Variants in EYS observed in about 807,000 individuals in gnomAD.
EYS encodes the protein EGF-like photoreceptor maintenance factor.
Under a neutral mutation model 282.1 loss-of-function variants are expected in EYS, and 250 were observed. The observed-to-expected ratio is 0.89, with a 90% CI of 0.80 to 0.98. The LOEUF (loss-of-function observed/expected upper bound fraction) is 0.98, where lower values mean the gene tolerates loss of function less well. EYS is among the 50% of genes least tolerant of loss of function. The pLI is 0.00. For synonymous variants in EYS, 1,355 were observed against 1,282.9 expected, an observed-to-expected ratio of 1.06 and a Z score of -1.20; for missense variants, 4,016 against 3,709.0, an observed-to-expected ratio of 1.08 and a Z score of -2.15.
intron 28 of EYS, among the ~76,000 whole-genome samples, chr6:64,391,843 C>G (rs1302616052): frequency 2.6e-5 from 4 of 152,156 alleles, no homozygotes; most frequent in African/African-American, 7.2e-5. Flanking sequence ...ATTGGGTAAA[C>G]AGTCAAGTCC....
intron 35 of EYS, among the ~76,000 whole-genome samples, chr6:63,941,146 G>A (rs1485030821): frequency 2.6e-5 from 4 of 152,004 alleles, no homozygotes; most frequent in East Asian, 3.9e-4. Context: ...ATAAACATAC[G>A]TGCACATGTG....
At chr6:63,827,937 C>A (rs1436005085) in intron 36 of EYS, among the ~76,000 whole-genome samples, 2 of 151,302 alleles carry the variant, frequency 1.3e-5, no homozygotes, top group Non-Finnish European at 2.9e-5. Flanking sequence ...CCAAAAGGAA[C>A]CTTCAAAGTC....
At chr6:65,045,219 A>C (rs553402471) in intron 13 of EYS, among the ~76,000 whole-genome samples, 1 of 152,012 alleles carries the variant, frequency 6.6e-6, no homozygotes, top group African/African-American at 2.4e-5. Context: ...ACAATATCTT[A>C]GATTTCTGAA....
chr6:64,651,639 C>T (rs143569876), intron 22 of EYS, among the ~76,000 whole-genome samples: 226 of 152,122 alleles, frequency 1.5e-3, no homozygotes, highest in African/African-American at 5.1e-3. Context: ...GCCGAGACCG[C>T]GCCACCGCAC....
At chr6:64,445,656 G>A (rs1335080625) in intron 26 of EYS, among the ~76,000 whole-genome samples, 1 of 152,166 alleles carries the variant, frequency 6.6e-6, no homozygotes, top group Non-Finnish European at 1.5e-5. Flanking sequence ...TCTCCACTCT[G>A]ATATTCACAG....
intron 12 of EYS, among the ~76,000 whole-genome samples, chr6:65,097,261 T>C (rs889965071): frequency 6.6e-6 from 1 of 150,896 alleles, no homozygotes; most frequent in African/African-American, 2.4e-5. Context: ...ACCTCACGAA[T>C]CATCAGGGAA....
At position 64,659,281 on chromosome 6, in the gene EYS, C is replaced by G. The variant is rs1000971285; in HGVS notation, c.3444-33036G>C. Among the ~76,000 whole-genome samples the G allele has an allele frequency of 1.2e-4, 18 of 152,132 alleles. No individual in the cohort carries two copies. The South Asian group carries it at 1.5e-3, about 12-fold the overall frequency. On this transcript the variant is annotated intron_variant, in intron 22 of 42. Coordinates refer to ENST00000503581, the MANE Select transcript of EYS (RefSeq NM_001142800.2). ...AGCACTAAATGCCCACAAGAGAAAGCAGGAAAGATTTAAAATTGACACCCT... is the reference window on the plus strand; with the variant it reads ...AGCACTAAATGCCCACAAGAGAAAGGAGGAAAGATTTAAAATTGACACCCT...
At chr6:65,242,524 G>A (rs1212518448) in intron 12 of EYS, among the ~76,000 whole-genome samples, 3 of 151,940 alleles carry the variant, frequency 2.0e-5, no homozygotes, top group Admixed American at 6.6e-5. Context: ...CCATTCCTCA[G>A]TTGATAGACA....
intron 14 of EYS, among the ~76,000 whole-genome samples, chr6:64,967,366 C>T (rs1770134588): frequency 6.6e-6 from 1 of 151,866 alleles, no homozygotes; most frequent in Non-Finnish European, 1.5e-5. Flanking sequence ...ACTCTGTCCC[C>T]CAAGCTGGAG....
chr6:63,883,269 T>A (rs1581931380), intron 35 of EYS, among the ~76,000 whole-genome samples: 1 of 152,226 alleles, frequency 6.6e-6, no homozygotes, highest in African/African-American at 2.4e-5. Context: ...CTCACTGTGC[T>A]CTTGCTTCAC....
chr6:64,436,409 A>C (rs1218659405), intron 27 of EYS, 144 bp from the exon 28 acceptor site: 1 of 575,080 alleles, frequency 1.7e-6, no homozygotes. Flanking sequence ...AGAAGTGATA[A>C]CTGAAGGTTT....
At chr6:64,057,344 G>T (rs1037815458) in intron 33 of EYS, among the ~76,000 whole-genome samples, 1 of 151,306 alleles carries the variant, frequency 6.6e-6, no homozygotes, top group African/African-American at 2.4e-5. Context: ...GAGGAATCTG[G>T]CATAGCTTCC....
At position 65,002,762 on chromosome 6, in the gene EYS, G is replaced by A. The variant is rs982268094; in HGVS notation, c.2138-5059C>T. ...CCGGCTGAAGCCATGGCAGAAGAAC[G>A]TAGATTGTGAAGATTTCATGGACAT... On this transcript the variant is annotated intron_variant, in intron 13 of 42. Transcript: ENST00000503581. Among the ~76,000 whole-genome samples the A allele has an allele frequency of 9.5e-5, 14 of 147,730 alleles. 2 individuals are homozygous for A. The highest frequency in any genetic ancestry group is 6.6e-4 in the South Asian group (3 of 4,566).
chr6:65,376,714 G>A (rs1765380370), intron 8 of EYS, among the ~76,000 whole-genome samples: 1 of 152,104 alleles, frequency 6.6e-6, no homozygotes, highest in Non-Finnish European at 1.5e-5. Context: ...AAAAGCAGGG[G>A]TTGCAGTCCT....
intron 26 of EYS, among the ~76,000 whole-genome samples, chr6:64,581,186 AAGAG>A (rs1370461722): frequency 6.6e-6 from 1 of 152,130 alleles, no homozygotes; most frequent in African/African-American, 2.4e-5. Flanking sequence ...AGAGAGGAGG[AAGAG>A]AGAAAGAGAG....
At chr6:65,351,425 C>T (rs1344597029) in intron 9 of EYS, among the ~76,000 whole-genome samples, 3 of 151,750 alleles carry the variant, frequency 2.0e-5, no homozygotes, top group Non-Finnish European at 3.0e-5. Flanking sequence ...CTTTGTATTA[C>T]ACCACCCATT....
intron 30 of EYS, among the ~76,000 whole-genome samples, chr6:64,233,419 T>G (rs1766489155): frequency 1.3e-5 from 2 of 152,158 alleles, no homozygotes; most frequent in South Asian, 4.1e-4. Context: ...GTTATATATT[T>G]AAAAAGGAAA....
intron 5 of EYS, among the ~76,000 whole-genome samples, chr6:65,415,340 A>G (rs1356502801): frequency 6.6e-6 from 1 of 152,088 alleles, no homozygotes; most frequent in Non-Finnish European, 1.5e-5. Flanking sequence ...TTTAACCAAG[A>G]GTCCCACATG....
chr6:65,291,390 C>A (rs1460825220), intron 12 of EYS, among the ~76,000 whole-genome samples: 1 of 151,488 alleles, frequency 6.6e-6, no homozygotes. Flanking sequence ...ACCAAATCAA[C>A]AACCACTCAC....
Sources: gnomAD v4.1 joint callset for allele counts (sites outside exome capture counted in the v4.1 genomes callset) on GRCh38, gnomAD v4.1.1 for gene constraint, MANE v1.5 for transcripts, NCBI Gene and HGNC (gene_info 2026-07-23, HGNC 2026-07-21) for gene names.